Variants in HNRNPK observed in about 807,000 individuals in gnomAD.
HNRNPK encodes the protein dC-stretch binding protein.
A neutral mutation model predicts 67.0 loss-of-function variants in HNRNPK; 7 were observed. The observed-to-expected ratio is 0.10, with a 90% CI of 0.06 to 0.20. The LOEUF (loss-of-function observed/expected upper bound fraction) is 0.20, where lower values mean the gene tolerates loss of function less well. Ranked by LOEUF, HNRNPK falls within the 10% of genes least tolerant of loss-of-function variation. The pLI is 1.00. For missense variants in HNRNPK, 264 were observed against 606.5 expected (o/e 0.44, Z 5.93); for synonymous variants, 213 against 193.7 (o/e 1.10, Z -0.83).
intron 1 of HNRNPK, among the ~76,000 whole-genome samples, chr9:83,979,356 G>A (rs1198485835): frequency 6.6e-6 from 1 of 152,378 alleles, no homozygotes; most frequent in African/African-American, 2.4e-5. Flanking sequence ...TGTGGTGGGA[G>A]AAGAGTTGGA....
At chr9:83,979,729 T>C (rs1588444626) in intron 1 of HNRNPK, among the ~76,000 whole-genome samples, 14 of 61,318 alleles carry the variant, frequency 2.3e-4, no homozygotes, top group African/African-American at 4.1e-4. Flanking sequence ...CCCCGCATCC[T>C]CCCCCCACTG....
At chr9:83,980,363 C>T (rs113095992), upstream of HNRNPK, 20 of 152,462 alleles carry the variant, frequency 1.3e-4, 1 homozygote, top group Admixed American at 1.3e-3. Flanking sequence ...AACCCCGCCT[C>T]CCGCCAGCGC....
Position 83,969,629 on chromosome 9 carries a change from C to T in HNRNPK, c.1362-189G>A, listed in dbSNP as rs1002519950. On this transcript the variant is annotated intron_variant, in intron 16 of 16. Coordinates refer to ENST00000376263, the MANE Select transcript of HNRNPK (RefSeq NM_031263.4). ...TCAAGAAAAATGATGAGTAGTAAAT[C>T]GGACATTAGTAGAACAGAATTAAGA... is the stretch of plus-strand genomic sequence containing the variant. 72 of 619,062 alleles carry T rather than the reference C, an allele frequency of 1.2e-4. 2 individuals carry two copies. The highest frequency in any genetic ancestry group is 6.7e-4 in the South Asian group (34 of 51,010). 38.3% of individuals were successfully genotyped at this position (619,062 alleles called of 1,614,324 possible).
chr9:83,979,352 G>T (rs948677486), intron 1 of HNRNPK, among the ~76,000 whole-genome samples: 1 of 152,226 alleles, frequency 6.6e-6, no homozygotes, highest in Non-Finnish European at 1.5e-5. Flanking sequence ...GAGGTGTGGT[G>T]GGAGAAGAGT....
intron 11 of HNRNPK, 21 bp downstream of exon 11, chr9:83,971,861 A>G (rs552959343): frequency 6.4e-7 from 1 of 1,556,726 alleles, no homozygotes; most frequent in South Asian, 1.2e-5. Context: ...AAAAACAACA[A>G]CAACAAAAAA....
intron 16 of HNRNPK, chr9:83,969,795 G>T: frequency 1.6e-6 from 1 of 628,830 alleles, no homozygotes; most frequent in Non-Finnish European, 3.1e-6. Flanking sequence ...ATTTGTTGTC[G>T]ATTTAGTTAT....
At position 83,971,701 on chromosome 9, in the gene HNRNPK, C is replaced by G; in HGVS notation, c.979G>C (p.Gly327Arg). 6.2e-7 allele frequency: 1 copy of G among 1,614,044 alleles called. No homozygotes were observed. The highest frequency in any genetic ancestry group is 8.5e-7 in the Non-Finnish European group (1 of 1,179,886). The change falls in exon 12 of 17, where the codon GGG becomes CGG. Residue 327 changes from glycine to arginine, a missense_variant. Gly to Arg is a moderately radical substitution (Grantham distance 125). This residue lies in a region of HNRNPK where 142 missense variants were observed against 256.5 expected (regional missense o/e 0.55). Coordinates refer to ENST00000376263, the MANE Select transcript of HNRNPK (RefSeq NM_031263.4). ...GGDLMAYDRR[G>R]RPGDRYDGMV... ...CCGTCGTAACGGTCTCCAGGTCTCC[C>G]TCTTCTGTCATAGGCCATGAGGTCT...
In HNRNPK at chr9:83,978,314, TA is replaced by T. The variant is rs1480429766; in HGVS notation, c.-27-36del. On this transcript the variant is annotated intron_variant, in intron 2 of 16. Coordinates refer to ENST00000376263, the MANE Select transcript of HNRNPK (RefSeq NM_031263.4). ...AATAAAGCAGCTAGTACATTTGGCT[TA>T]TTGGAAAGCAAGCTGTAAAAAAAAA... 4 of 1,545,004 alleles carry T rather than the reference TA, an allele frequency of 2.6e-6. No individual in the cohort carries two copies. In the Admixed American group the frequency reaches 8.8e-5, roughly 34 times the overall value.
intron 6 of HNRNPK, 152 bp from the exon 7 acceptor site, chr9:83,974,741 C>A: frequency 1.7e-6 from 1 of 599,316 alleles, no homozygotes; most frequent in South Asian, 2.1e-5. Flanking sequence ...ATAGATTTCT[C>A]ACATGCATTT....
chr9:83,975,825 A>G lies in HNRNPK; in HGVS notation c.214-320T>C, dbSNP rs1253367819. On this transcript the variant is annotated intron_variant, in intron 5 of 16. Coordinates refer to ENST00000376263, the MANE Select transcript of HNRNPK (RefSeq NM_031263.4). ...AGCTTAAGTTGTTCTGAAGACTAACACAATAATGGACTTCTCTAAATCTGA... is the reference window on the plus strand; with the variant it reads ...AGCTTAAGTTGTTCTGAAGACTAACGCAATAATGGACTTCTCTAAATCTGA... 8.5e-6 allele frequency: 3 copies of G among 351,276 alleles called. No homozygotes were observed. The East Asian group carries it at 1.4e-4, about 16-fold the overall frequency. 21.8% of individuals were successfully genotyped at this position (351,276 alleles called of 1,614,324 possible).
chr9:83,979,860 T>C (rs1407654873), intron 1 of HNRNPK, among the ~76,000 whole-genome samples: 1 of 151,874 alleles, frequency 6.6e-6, no homozygotes, highest in African/African-American at 2.4e-5. Flanking sequence ...GGCGCGACCT[T>C]CTCCCCGCAC....
At chr9:83,971,444 AAAC>A (rs1486806387) in intron 12 of HNRNPK, 88 bp from the exon 13 acceptor site, 3 of 965,774 alleles carry the variant, frequency 3.1e-6, no homozygotes, top group Admixed American at 3.6e-5. Context: ...TGTTACATTA[AAAC>A]AAAAGAGGGT....
intron 5 of HNRNPK, among the ~76,000 whole-genome samples, chr9:83,976,162 T>C (rs1199259922): frequency 1.3e-5 from 2 of 152,228 alleles, no homozygotes; most frequent in Non-Finnish European, 2.9e-5. Flanking sequence ...CAGGCAAGTT[T>C]GTAAAATTTT....
chr9:83,970,505 A>G, intron 15 of HNRNPK, 174 bp from the exon 16 acceptor site: 1 of 652,964 alleles, frequency 1.5e-6, no homozygotes, highest in Non-Finnish European at 2.6e-6. Context: ...ACACTTACTA[A>G]TGTTTCCCTT....
chr9:83,969,284 T>C lies in HNRNPK; in HGVS notation c.*123A>G. Reference sequence around the variant, plus strand: ...AGAACACCTATGAAGCAGAGGAATGTTGGCTTTTTAAACAGAAGCAGATAA... The same window carrying C: ...AGAACACCTATGAAGCAGAGGAATGCTGGCTTTTTAAACAGAAGCAGATAA... On this transcript the variant is annotated 3_prime_UTR_variant, in exon 17 of 17. Transcript: ENST00000376263. 1 of 751,504 alleles carries C rather than the reference T, an allele frequency of 1.3e-6. No homozygotes were observed. Among genetic ancestry groups the C allele is most frequent in the East Asian group, 2.4e-5 (1 of 41,132 alleles). 46.6% of individuals were successfully genotyped at this position (751,504 alleles called of 1,614,324 possible). A position where few individuals can be genotyped will look rare whatever the true frequency, so the allele number is the denominator to read the frequency against.
chr9:83,978,054 G>C (rs757653475), intron 3 of HNRNPK, 141 bp downstream of exon 3: 2 of 630,900 alleles, frequency 3.2e-6, no homozygotes, highest in Non-Finnish European at 2.8e-6. Flanking sequence ...TAAAAGCTAA[G>C]ATGTAACTAC....
intron 10 of HNRNPK, among the ~76,000 whole-genome samples, 145 bp downstream of exon 10, chr9:83,972,691 TAAATTAAA>T (rs1956906048): frequency 6.6e-6 from 1 of 152,346 alleles, no homozygotes; most frequent in African/African-American, 2.4e-5. Flanking sequence ...AAACCATTTT[TAAATTAAA>T]GTGATGGCTG....
rs1301862644 is a variant in HNRNPK at position 83,968,408 on chromosome 9, T to TA, written c.*998dup. On this transcript the variant is annotated 3_prime_UTR_variant, in exon 17 of 17. Transcript: ENST00000376263. ...TATATATTTTACAAAGTTTAACTAA[T>TA]AAGACACTAGAGCAAATTGACAGTT... 3 of 152,548 alleles carry TA rather than the reference T, an allele frequency of 2.0e-5. No homozygotes were observed. The East Asian group carries it at 5.8e-4, about 29-fold the overall frequency. The allele number at this position is 152,548 out of a possible 1,614,324, so 9.4% of individuals were successfully genotyped here.
In HNRNPK at chr9:83,971,862, C is replaced by A; in HGVS notation, c.953+20G>T. 1.3e-6 allele frequency: 2 copies of A among 1,555,416 alleles called. No homozygotes were observed. The highest frequency in any genetic ancestry group is 1.2e-5 in the South Asian group (1 of 82,302). On this transcript the variant is annotated intron_variant, in intron 11 of 16. Transcript: ENST00000376263. ...TAGATGGGGGAAGAAAAAACAACAA[C>A]AACAAAAAAAACAACTTACCCCCCT...
Sources: gnomAD v4.1 joint callset for allele counts (sites outside exome capture counted in the v4.1 genomes callset) on GRCh38, gnomAD v4.1.1 for gene constraint, gnomAD v4.1.1 regional missense constraint, MANE v1.5 for transcripts, NCBI Gene and HGNC (gene_info 2026-07-23, HGNC 2026-07-21) for gene names.